The following MECR variants were observed in gnomAD, a reference collection of about 807,000 sequenced individuals.
The protein encoded by MECR is mitochondrial trans-2-enoyl-CoA reductase.
MECR carries 37 observed loss-of-function variants against 49.1 expected under a neutral mutation model. That is an observed-to-expected ratio of 0.75 (90% CI 0.58 to 0.99). The LOEUF (loss-of-function observed/expected upper bound fraction) is 0.99. Ranked by LOEUF, MECR falls within the 50% of genes least tolerant of loss-of-function variation. The probability of loss-of-function intolerance (pLI) is 0.00; values close to 1 mark genes in which losing one functional copy is unlikely to be tolerated. For synonymous variants in MECR, 198 were observed against 191.1 expected (o/e 1.04, Z -0.30); for missense variants, 470 against 479.6 (o/e 0.98, Z 0.19).
At chr1:29,196,483 T>G (rs1674029570) in intron 7 of MECR, among the ~76,000 whole-genome samples, 1 of 152,042 alleles carries the variant, frequency 6.6e-6, no homozygotes, top group Admixed American at 6.6e-5. Flanking sequence ...GCCCAGGAGT[T>G]CAAGACCAGC....
chr1:29,179,998 A>C, the MECR span, among the ~76,000 whole-genome samples: 1 of 152,244 alleles, frequency 6.6e-6, no homozygotes, highest in South Asian at 2.1e-4. Context: ...GCTTTATGTT[A>C]TCAAACACCA....
At chr1:29,187,245 A>G in the MECR span, among the ~76,000 whole-genome samples, 4 of 151,956 alleles carry the variant, frequency 2.6e-5, no homozygotes, top group Non-Finnish European at 5.9e-5. Context: ...ACCGAGTCTC[A>G]CTCTGTTGCC....
intron 1 of MECR, chr1:29,221,116 C>T (rs1424670747): frequency 6.5e-6 from 1 of 154,390 alleles, no homozygotes; most frequent in Non-Finnish European, 1.4e-5. Context: ...AGGAGAGTTG[C>T]TTGTGCTCAG....
At chr1:29,175,470 T>C in the MECR span, among the ~76,000 whole-genome samples, 1 of 148,394 alleles carries the variant, frequency 6.7e-6, no homozygotes, top group Non-Finnish European at 1.5e-5. Context: ...CCGAGGCGGG[T>C]GGATCATGAG....
chr1:29,210,560 C>T (rs1226997090), intron 3 of MECR, among the ~76,000 whole-genome samples: 1 of 152,108 alleles, frequency 6.6e-6, no homozygotes, highest in Non-Finnish European at 1.5e-5. Flanking sequence ...TTCTAATTCC[C>T]CTTATGGCAC....
At chr1:29,215,920 A>G (rs891028118) in intron 3 of MECR, 85 bp downstream of exon 3, 5 of 1,504,564 alleles carry the variant, frequency 3.3e-6, no homozygotes, top group Admixed American at 1.9e-5. Flanking sequence ...ACCCAGGTAC[A>G]CTCGGCCAAT....
chr1:29,195,473 A>G (rs1198131271), intron 9 of MECR, among the ~76,000 whole-genome samples: 1 of 152,176 alleles, frequency 6.6e-6, no homozygotes, highest in Middle Eastern at 3.2e-3. Flanking sequence ...CAGGGAGGTG[A>G]CTTTGGGCAC....
At chr1:29,196,155 T>C (rs757704405) in intron 8 of MECR, 43 bp downstream of exon 8, 1 of 1,611,940 alleles carries the variant, frequency 6.2e-7, no homozygotes, top group Non-Finnish European at 8.5e-7. Context: ...GGCTGAGGTG[T>C]CTGGCCCGGC....
downstream of MECR, among the ~76,000 whole-genome samples, chr1:29,189,397 G>C (rs1401755908): frequency 1.5e-5 from 1 of 66,214 alleles, no homozygotes; most frequent in Non-Finnish European, 4.7e-5. Flanking sequence ...GAGATGGGTT[G>C]GGGGGGGGTC....
At position 29,211,789 on chromosome 1, in the gene MECR, C is replaced by T. The variant is rs1025491673; in HGVS notation, c.406+4216G>A. 4.6e-5 allele frequency among the ~76,000 whole-genome samples: 7 copies of T among 152,300 alleles called. No individual in the cohort carries two copies. The South Asian group carries it at 1.5e-3, about 32-fold the overall frequency. On this transcript the variant is annotated intron_variant, in intron 3 of 9. Coordinates refer to ENST00000263702, the MANE Select transcript of MECR (RefSeq NM_016011.5). ...TTTGCATATTTCCCAAGGAGAAAGT[C>T]AGTTGGCAAAGATCTATCCACACCA...
At chr1:29,173,359 T>C in the MECR span, 2 of 151,638 alleles carry the variant, frequency 1.3e-5, no homozygotes, top group East Asian at 3.9e-4. Flanking sequence ...TTAGCCAGGA[T>C]GGTCTCGATC....
At chr1:29,226,952 C>CTT (rs890320572) in intron 1 of MECR, among the ~76,000 whole-genome samples, 1,162 of 99,612 alleles carry the variant, frequency 0.012, 24 homozygotes, top group African/African-American at 0.02. Context: ...TGGGAACTAT[C>CTT]TTTTTTTTTT....
chr1:29,177,235 C>T, the MECR span, among the ~76,000 whole-genome samples: 4 of 151,472 alleles, frequency 2.6e-5, no homozygotes, highest in African/African-American at 9.7e-5. Context: ...GCTTCCTTGA[C>T]GTGCATCTAG....
the MECR span, among the ~76,000 whole-genome samples, chr1:29,176,216 C>T: frequency 6.6e-6 from 1 of 152,024 alleles, no homozygotes; most frequent in Non-Finnish European, 1.5e-5. Context: ...TGTACCACTG[C>T]ACTCCAGCCT....
chr1:29,191,184 G>A (rs539607434), downstream of MECR, among the ~76,000 whole-genome samples: 1 of 152,254 alleles, frequency 6.6e-6, no homozygotes, highest in East Asian at 1.9e-4. Context: ...ATCTTGAAGC[G>A]TGGTGTTACA....
At chr1:29,200,368 T>C (rs1675017880) in intron 7 of MECR, 148 bp downstream of exon 7, 1 of 658,708 alleles carries the variant, frequency 1.5e-6, no homozygotes, top group Non-Finnish European at 2.5e-6. Flanking sequence ...CCCAAATAGC[T>C]GGATGACTTT....
intron 1 of MECR, chr1:29,223,492 T>C (rs1330808110): frequency 6.1e-6 from 1 of 163,488 alleles, no homozygotes; most frequent in Admixed American, 6.5e-5. Context: ...CAATATCATT[T>C]TGAGCAGGAA....
the MECR span, among the ~76,000 whole-genome samples, chr1:29,168,074 G>A: frequency 1.9e-4 from 29 of 150,806 alleles, no homozygotes; most frequent in South Asian, 6.3e-4. Context: ...GCAGCGCAGC[G>A]GCGCGATCTC....
At position 29,216,004 on chromosome 1, in the gene MECR, C is replaced by G; in HGVS notation, c.406+1G>C. Reference sequence around the variant, plus strand: ...GGCAGCTGACACCTGGAGAAACTCACCTAAACCAGCATTTGCTGGAATCAC... The same window carrying G: ...GGCAGCTGACACCTGGAGAAACTCAGCTAAACCAGCATTTGCTGGAATCAC... On this transcript the variant is annotated splice_donor_variant, in intron 3 of 9. Transcript: ENST00000263702. LOFTEE classifies it high-confidence loss of function. 1 of 1,613,936 alleles carries G rather than the reference C, an allele frequency of 6.2e-7. No individual in the cohort carries two copies. The highest frequency in any genetic ancestry group is 8.5e-7 in the Non-Finnish European group (1 of 1,179,862).
Sources: allele counts gnomAD v4.1 joint callset (sites outside exome capture counted in the v4.1 genomes callset), GRCh38; gene constraint gnomAD v4.1.1; transcripts MANE v1.5; gene names NCBI Gene and HGNC (gene_info 2026-07-23, HGNC 2026-07-21).